Variants in FNBP1 observed in about 807,000 individuals in gnomAD.
FNBP1 encodes formin-binding protein 1.
FNBP1 carries 26 observed loss-of-function variants against 90.6 expected under a neutral mutation model. The observed-to-expected ratio is 0.29, with a 90% CI of 0.21 to 0.40. FNBP1 has a LOEUF of 0.40. Ranked by LOEUF, FNBP1 falls within the 10% of genes least tolerant of loss-of-function variation. The pLI is 1.00. For synonymous variants in FNBP1, 260 were observed against 265.2 expected (o/e 0.98, Z 0.19); for missense variants, 635 against 768.0 (o/e 0.83, Z 2.05).
intron 15 of FNBP1, among the ~76,000 whole-genome samples, chr9:129,897,967 T>A (rs2036102341): frequency 6.6e-6 from 1 of 152,094 alleles, no homozygotes; most frequent in South Asian, 2.1e-4. Flanking sequence ...GTAGCTGGGA[T>A]TACAGGCGCC....
In FNBP1 at chr9:129,957,746, T is replaced by G. The variant is rs1234632726; in HGVS notation, c.409-282A>C. 6.6e-6 allele frequency among the ~76,000 whole-genome samples: 1 copy of G among 151,914 alleles called. No individual in the cohort carries two copies. Among genetic ancestry groups the G allele is most frequent in the African/African-American group, 2.4e-5 (1 of 41,374 alleles). On this transcript the variant is annotated intron_variant, in intron 5 of 16. Coordinates refer to ENST00000446176, the MANE Select transcript of FNBP1 (RefSeq NM_015033.3). This position sits in a 1 kb window ranked among gnomAD's most constrained non-coding sequence, Gnocchi z 4.3. ...TTTGCATTTTTTTGTAGAGACTAGGTTTTGTCATGTTGCCCATGCTGGTCT... is the reference window on the plus strand; with the variant it reads ...TTTGCATTTTTTTGTAGAGACTAGGGTTTGTCATGTTGCCCATGCTGGTCT...
rs1008810121 is a variant in FNBP1, at chr9:129,887,953, T to C, written c.*2586A>G. The stretch of plus-strand genomic sequence containing the variant: ...GATTCCCAGAGTAAATGATGATACA[T>C]AGGACAACTGACCTCCTCTAAGAAG... On this transcript the variant is annotated 3_prime_UTR_variant, in exon 17 of 17. Transcript: ENST00000446176. 2.2e-5 allele frequency: 5 copies of C among 232,166 alleles called. No individual in the cohort carries two copies. Among genetic ancestry groups the C allele is most frequent in the African/African-American group, 6.6e-5 (3 of 45,294 alleles). The allele number at this position is 232,166 out of a possible 1,614,324, so 14.4% of individuals were successfully genotyped here. A position where few individuals can be genotyped will look rare whatever the true frequency, so the allele number is the denominator to read the frequency against.
chr9:130,027,370 T>A (rs746926377), intron 1 of FNBP1, among the ~76,000 whole-genome samples: 4 of 152,230 alleles, frequency 2.6e-5, no homozygotes, highest in Non-Finnish European at 5.9e-5. Context: ...ACTCTTTGAA[T>A]GTTCCTCAAC....
In FNBP1 at chr9:129,980,311, G is replaced by C. The variant is rs992893940; in HGVS notation, c.141-937C>G. ...GGAGGAGGAGGTTTCGGTGAGCCGA[G>C]ATCGCACCATTGCACTCCAGCCTGG... On this transcript the variant is annotated intron_variant, in intron 2 of 16. Coordinates refer to ENST00000446176, the MANE Select transcript of FNBP1 (RefSeq NM_015033.3). Among the ~76,000 whole-genome samples, 15 of 148,868 alleles carry C rather than the reference G, an allele frequency of 1.0e-4. No homozygotes were observed. In the Admixed American group the frequency reaches 1.0e-3, roughly 10 times the overall value.
intron 15 of FNBP1, among the ~76,000 whole-genome samples, chr9:129,897,131 T>A (rs1373824367): frequency 6.6e-6 from 1 of 152,184 alleles, no homozygotes; most frequent in Non-Finnish European, 1.5e-5. Flanking sequence ...CCTAGACCTC[T>A]CTGTCCTCCC....
At chr9:129,948,446 C>T (rs1217170201) in intron 6 of FNBP1, among the ~76,000 whole-genome samples, 1 of 145,814 alleles carries the variant, frequency 6.9e-6, no homozygotes, top group Non-Finnish European at 1.5e-5. Flanking sequence ...CTCACTGCAA[C>T]CTCCCCGTCC....
intron 6 of FNBP1, among the ~76,000 whole-genome samples, chr9:129,939,195 C>T: frequency 1.3e-5 from 2 of 152,040 alleles, no homozygotes; most frequent in Non-Finnish European, 2.9e-5. Flanking sequence ...TCAAGACCAG[C>T]CTGACCAATA....
intron 6 of FNBP1, among the ~76,000 whole-genome samples, chr9:129,953,405 G>T (rs1386889239): frequency 6.6e-6 from 1 of 152,000 alleles, no homozygotes; most frequent in Admixed American, 6.6e-5. Context: ...CAGGAGAACT[G>T]CTTGAACCCG....
intron 15 of FNBP1, among the ~76,000 whole-genome samples, chr9:129,896,591 T>C (rs1050592383): frequency 1.1e-4 from 16 of 152,112 alleles, no homozygotes; most frequent in Admixed American, 4.6e-4. Flanking sequence ...ACCATGTTGG[T>C]CAGGCTGGTC....
At chr9:129,901,145 C>T (rs997449879) in intron 13 of FNBP1, among the ~76,000 whole-genome samples, 4 of 152,228 alleles carry the variant, frequency 2.6e-5, no homozygotes, top group African/African-American at 9.7e-5. Flanking sequence ...GGTGGCCACA[C>T]CTGTAATCCC....
At chr9:130,043,612 T>C (rs2060012768), upstream of FNBP1, among the ~76,000 whole-genome samples, 1 of 152,190 alleles carries the variant, frequency 6.6e-6, no homozygotes, top group Non-Finnish European at 1.5e-5. Context: ...GGAGGCTCTT[T>C]TCCCACCGCC....
At chr9:130,001,315 A>AC (rs1564543125) in intron 1 of FNBP1, among the ~76,000 whole-genome samples, 24 of 9,510 alleles carry the variant, frequency 2.5e-3, no homozygotes, top group Admixed American at 5.5e-3. Flanking sequence ...CCATCTCAAA[A>AC]AAACAAAACA....
intron 1 of FNBP1, among the ~76,000 whole-genome samples, chr9:130,007,252 A>AAG (rs1465749503): frequency 8.7e-5 from 13 of 148,858 alleles, no homozygotes; most frequent in Middle Eastern, 3.4e-3. Context: ...AAAAAAAAAA[A>AAG]AAAAAGAAAA....
chr9:129,916,018 GAGAA>G (rs780797615), intron 10 of FNBP1, 38 bp from the exon 11 acceptor site: 12 of 1,469,234 alleles, frequency 8.2e-6, no homozygotes, highest in Middle Eastern at 1.7e-4. Flanking sequence ...GAAAAATAGA[GAGAA>G]AGAGAGAGAG....
At chr9:129,907,434 C>T (rs961045395) in intron 12 of FNBP1, among the ~76,000 whole-genome samples, 1 of 152,110 alleles carries the variant, frequency 6.6e-6, no homozygotes, top group African/African-American at 2.4e-5. Flanking sequence ...CAGATTTGAC[C>T]CCAGGGTATC....
intron 3 of FNBP1, 115 bp from the exon 4 acceptor site, chr9:129,978,727 A>C: frequency 1.1e-6 from 1 of 948,802 alleles, no homozygotes; most frequent in Non-Finnish European, 1.6e-6. Context: ...CACCTCCCAT[A>C]GGATCCTGAG....
Position 129,927,336 on chromosome 9 carries a change from T to A in FNBP1, c.648A>T (p.Ile216=), listed in dbSNP as rs139863276. ...HTHIPNIFQK[I]QEMEERRIVR... ...CAATCCTCCTTTCCTCCATCTCTTG[T>A]ATTTTCTGCAACATTAGATTTTGTA... is the stretch of plus-strand genomic sequence containing the variant. The change falls in exon 8 of 17, where the codon ATA becomes ATT. Residue 216 remains isoleucine, a synonymous_variant. Transcript: ENST00000446176. The A allele has an allele frequency of 6.2e-7, 1 of 1,610,366 alleles. No individual in the cohort carries two copies. Among genetic ancestry groups the A allele is most frequent in the East Asian group, 2.2e-5 (1 of 44,832 alleles).
At chr9:130,019,010 A>G (rs1233557923) in intron 1 of FNBP1, among the ~76,000 whole-genome samples, 1 of 152,128 alleles carries the variant, frequency 6.6e-6, no homozygotes, top group Admixed American at 6.6e-5. Flanking sequence ...GGATCGCCTG[A>G]GCTCATAAGT....
chr9:130,009,707 C>T (rs1279599444), intron 1 of FNBP1, among the ~76,000 whole-genome samples: 6 of 152,158 alleles, frequency 3.9e-5, no homozygotes, highest in Non-Finnish European at 5.9e-5. Flanking sequence ...GAGGCTGAGG[C>T]AGGATAATTG....
Sources: allele counts gnomAD v4.1 joint callset (sites outside exome capture counted in the v4.1 genomes callset), GRCh38; gene constraint gnomAD v4.1.1; non-coding constraint Gnocchi (gnomAD v3.1); transcripts MANE v1.5; gene names NCBI Gene and HGNC (gene_info 2026-07-23, HGNC 2026-07-21).